Variants in COL11A1 observed in about 807,000 individuals in gnomAD.
COL11A1 encodes collagen type XI alpha 1 chain.
A neutral mutation model predicts 265.2 loss-of-function variants in COL11A1; 74 were observed. The observed-to-expected ratio is 0.28, with a 90% CI of 0.23 to 0.34. The LOEUF is 0.34. Among genes scored for constraint, COL11A1 ranks in the 10% least tolerant of loss-of-function variants. The probability of loss-of-function intolerance (pLI) is 1.00; values close to 1 mark genes in which losing one functional copy is unlikely to be tolerated. For missense variants in COL11A1, 2,165 were observed against 2,263.6 expected (o/e 0.96, Z 0.88); for synonymous variants, 816 against 727.6 (o/e 1.12, Z -1.96).
intron 4 of COL11A1, among the ~76,000 whole-genome samples, chr1:103,070,005 T>G (rs1039367649): frequency 6.7e-6 from 1 of 150,180 alleles, no homozygotes; most frequent in Admixed American, 6.7e-5. Context: ...GATAATTTTC[T>G]TTTTTTTTAA....
At position 102,998,334 on chromosome 1, in the gene COL11A1, T is replaced by C; in HGVS notation, c.2172A>G (p.Gly724=). 1.9e-6 allele frequency: 3 copies of C among 1,605,274 alleles called. No homozygotes were observed. Among genetic ancestry groups the C allele is most frequent in the East Asian group, 2.2e-5 (1 of 44,706 alleles). ...CAGGAGGCCCATCAGCACCAGGAAG[T>C]CCAGCAAGTCCTGGTTTTCCTTGTG... The part of the protein sequence containing the change: ...KGPQGKPGLA[G]LPGADGPPGH... The change falls in exon 25 of 67, where the codon GGA becomes GGG. Residue 724 remains glycine (G), a synonymous_variant. Transcript: ENST00000370096.
chr1:103,084,799 A>T (rs1303415206), intron 1 of COL11A1, among the ~76,000 whole-genome samples: 2 of 152,204 alleles, frequency 1.3e-5, no homozygotes, highest in Non-Finnish European at 2.9e-5. Flanking sequence ...AAACTTCTAC[A>T]TTGAGCAAAT....
chr1:102,977,402 A>G (rs2101670005), intron 35 of COL11A1, among the ~76,000 whole-genome samples: 1 of 152,274 alleles, frequency 6.6e-6, no homozygotes, highest in Non-Finnish European at 1.5e-5. Context: ...AAAAATTCCC[A>G]AGAGGTACTT....
rs369136682 is a variant in COL11A1 at position 102,962,752 on chromosome 1, G to A, written c.2925C>T (p.Thr975=). Residue 975 remains threonine, a synonymous_variant, in exon 39 of 67, where the codon ACC becomes ACT. Coordinates refer to ENST00000370096, the MANE Select transcript of COL11A1 (RefSeq NM_001854.4). ...GTTCCCCTATTGGACCAGTCTCACC[G>A]GTTGGTCCCTAAATTAGATAAGCAA... ...PGGVVGPQGP[T]GETGPIGERG... is the part of the protein sequence containing the mutation. 6.6e-5 allele frequency: 106 copies of A among 1,613,880 alleles called. 2 individuals are homozygous for A. The highest frequency in any genetic ancestry group is 5.1e-4 in the South Asian group (46 of 91,082).
intron 11 of COL11A1, among the ~76,000 whole-genome samples, chr1:103,016,312 AT>A (rs1173074831): frequency 6.6e-6 from 1 of 151,958 alleles, no homozygotes; most frequent in East Asian, 1.9e-4. Flanking sequence ...TCACTAATTT[AT>A]TTTAAATGTT....
intron 5 of COL11A1, chr1:103,030,792 T>A: frequency 2.9e-6 from 1 of 346,294 alleles, no homozygotes; most frequent in South Asian, 2.4e-5. Flanking sequence ...CTTGAGGCTG[T>A]TAATTATTTA....
At chr1:102,900,415 A>C (rs1415456491) in intron 54 of COL11A1, among the ~76,000 whole-genome samples, 1 of 152,174 alleles carries the variant, frequency 6.6e-6, no homozygotes, top group Non-Finnish European at 1.5e-5. Context: ...TAAAATAATA[A>C]CATATGCAAA....
rs1208237338 is a variant in COL11A1 at position 102,946,890 on chromosome 1, G to A, written c.3235C>T (p.Pro1079Ser). 1.9e-6 allele frequency: 3 copies of A among 1,613,616 alleles called. No homozygotes were observed. In the Admixed American group the frequency reaches 5.0e-5, roughly 27 times the overall value. The change falls in exon 42 of 67, where the codon CCT becomes TCT. Residue 1079 changes from proline (P) to serine (S), a missense_variant. Pro to Ser is a moderately conservative substitution (Grantham distance 74). Transcript: ENST00000370096. ...CCAGCTGGACCAGGAGGACCCTGAG[G>A]TCCCGGGCGCCCTGGTAAACCAATT... ...GPIGLPGRPG[P>S]QGPPGPAGEK... is the part of the protein sequence containing the mutation.
At chr1:102,939,187 A>G (rs891232913) in intron 43 of COL11A1, 99 bp from the exon 44 acceptor site, 41 of 1,070,612 alleles carry the variant, frequency 3.8e-5, no homozygotes, top group Non-Finnish European at 5.6e-5. Flanking sequence ...ATATAATTAC[A>G]TGCTAGTGTG....
intron 4 of COL11A1, among the ~76,000 whole-genome samples, chr1:103,063,065 C>T (rs968178456): frequency 2.0e-5 from 3 of 151,828 alleles, no homozygotes; most frequent in East Asian, 1.9e-4. Context: ...TGAAGGATAT[C>T]GAACAACTTT....
At chr1:102,942,240 C>G (rs1658795707) in intron 42 of COL11A1, among the ~76,000 whole-genome samples, 1 of 152,110 alleles carries the variant, frequency 6.6e-6, no homozygotes, top group African/African-American at 2.4e-5. Flanking sequence ...CCTTGCTAGC[C>G]TTAAACTCTA....
At chr1:102,929,549 G>A (rs1657116187) in intron 46 of COL11A1, among the ~76,000 whole-genome samples, 1 of 151,830 alleles carries the variant, frequency 6.6e-6, no homozygotes, top group Admixed American at 6.6e-5. Flanking sequence ...TTGTTTTTTT[G>A]GCTTAGGATT....
At chr1:103,017,702 G>T in intron 11 of COL11A1, 118 bp downstream of exon 11, 1 of 853,938 alleles carries the variant, frequency 1.2e-6, no homozygotes, top group Admixed American at 1.8e-5. Flanking sequence ...CTGAATTCAT[G>T]CTGCCTTTAC....
chr1:102,928,242 C>T (rs1233876001), intron 46 of COL11A1, among the ~76,000 whole-genome samples: 1 of 151,462 alleles, frequency 6.6e-6, no homozygotes, highest in African/African-American at 2.4e-5. Context: ...CAATGCTATC[C>T]CTCCCCTCTC....
chr1:103,090,317 C>T (rs1415431738), intron 1 of COL11A1, among the ~76,000 whole-genome samples: 1 of 152,086 alleles, frequency 6.6e-6, no homozygotes, highest in Non-Finnish European at 1.5e-5. Flanking sequence ...AGAAAGTTCT[C>T]AGCCATCTTC....
intron 1 of COL11A1, among the ~76,000 whole-genome samples, chr1:103,091,465 T>C (rs1480521608): frequency 1.3e-5 from 2 of 152,090 alleles, no homozygotes; most frequent in Non-Finnish European, 1.5e-5. Flanking sequence ...GTTTGACTTG[T>C]ATGCTACAAT....
intron 9 of COL11A1, among the ~76,000 whole-genome samples, chr1:103,019,651 A>G (rs958563129): frequency 8.6e-5 from 13 of 151,802 alleles, no homozygotes; most frequent in African/African-American, 2.7e-4. Context: ...GGTTAGTTAC[A>G]TATGTATACA....
At chr1:103,034,371 T>C (rs1668204159) in intron 4 of COL11A1, among the ~76,000 whole-genome samples, 1 of 150,614 alleles carries the variant, frequency 6.6e-6, no homozygotes, top group African/African-American at 2.5e-5. Context: ...GTCAACTTTT[T>C]TTAATGTATT....
At chr1:103,029,192 A>G (rs1200109665) in intron 5 of COL11A1, among the ~76,000 whole-genome samples, 1 of 152,078 alleles carries the variant, frequency 6.6e-6, no homozygotes, top group Non-Finnish European at 1.5e-5. Context: ...GTTGACTTAT[A>G]AAATAAATTG....
Sources: allele counts gnomAD v4.1 joint callset (sites outside exome capture counted in the v4.1 genomes callset), GRCh38; gene constraint gnomAD v4.1.1; transcripts MANE v1.5; gene names NCBI Gene and HGNC (gene_info 2026-07-23, HGNC 2026-07-21).